The following CDH15 variants were observed in gnomAD, a reference collection of about 807,000 sequenced individuals.
CDH15 encodes cadherin-15.
In CDH15, 73 loss-of-function variants were observed where a neutral mutation model predicts 69.4. The observed-to-expected ratio is 1.05, with a 90% CI of 0.87 to 1.28. CDH15 has a LOEUF of 1.28. Ranked by LOEUF, CDH15 falls within the 50% of genes most tolerant of loss-of-function variation. The probability of loss-of-function intolerance (pLI) is 0.00; values close to 1 mark genes in which losing one functional copy is unlikely to be tolerated. For synonymous variants in CDH15, 624 were observed against 507.7 expected, an observed-to-expected ratio of 1.23 and a Z score of -3.08; for missense variants, 1,343 against 1,133.6, an observed-to-expected ratio of 1.18 and a Z score of -2.65.
At chr16:89,180,704 AG>A (rs1915356335) in intron 3 of CDH15, among the ~76,000 whole-genome samples, 1 of 152,332 alleles carries the variant, frequency 6.6e-6, no homozygotes, top group African/African-American at 2.4e-5. Context: ...AGTGTCGTGA[AG>A]AATCTCTAAA....
chr16:89,179,367 C>T (rs1226392142), intron 1 of CDH15, 49 bp from the exon 2 acceptor site: 3 of 1,609,386 alleles, frequency 1.9e-6, no homozygotes, highest in Admixed American at 1.7e-5. Flanking sequence ...ACGCTGCCGC[C>T]CAGGGCTCCA....
In CDH15 at chr16:89,190,282, G is replaced by A; in HGVS notation, c.1018G>A (p.Val340Met). The A allele has an allele frequency of 7.4e-6, 12 of 1,612,788 alleles. No homozygotes were observed. The highest frequency in any genetic ancestry group is 1.0e-5 in the Non-Finnish European group (12 of 1,179,912). Reference protein sequence around the residue: ...YESCEHYELKVSVQNEAPLQA... With the variant: ...YESCEHYELKMSVQNEAPLQA... ...GAGCTGTGAACACTACGAACTCAAA[G>A]TGTCGGTGCAGAATGAGGCCCCGCT... is the stretch of plus-strand genomic sequence containing the variant. The change falls in exon 8 of 14, where the codon GTG becomes ATG. Residue 340 changes from valine to methionine, a missense_variant. By Grantham distance (21) the Val-to-Met change is conservative. Coordinates refer to ENST00000289746, the MANE Select transcript of CDH15 (RefSeq NM_004933.3).
rs781000791 is a variant in CDH15 at position 89,191,767 on chromosome 16, C to G, written c.1488C>G (p.His496Gln). The stretch of plus-strand genomic sequence containing the variant: ...CGGGCAGCCTGTGCAGCGAGCCACA[C>G]CAAGGCCCAGGCCTCCTCCTGGGCG... ...PPPGSLCSEP[H>Q]QGPGLLLGAT... Residue 496 changes from histidine to glutamine, a missense_variant, in exon 10 of 14, where the codon CAC becomes CAG. His to Gln is a conservative substitution (Grantham distance 24). Transcript: ENST00000289746. The G allele has an allele frequency of 3.7e-6, 6 of 1,606,612 alleles. No homozygotes were observed. In the South Asian group the frequency reaches 5.5e-5, roughly 15 times the overall value.
chr16:89,181,755 T>G (rs1433167303), intron 3 of CDH15, among the ~76,000 whole-genome samples: 1 of 151,828 alleles, frequency 6.6e-6, no homozygotes, highest in African/African-American at 2.4e-5. Context: ...CTGGCTAACA[T>G]GGTGAAACCC....
At chr16:89,180,878 C>T in intron 3 of CDH15, among the ~76,000 whole-genome samples, 1 of 151,768 alleles carries the variant, frequency 6.6e-6, no homozygotes, top group Middle Eastern at 3.4e-3. Context: ...CCCCTGCCAC[C>T]ATGCCCGGCT....
At chr16:89,174,465 G>A (rs568479751) in intron 1 of CDH15, among the ~76,000 whole-genome samples, 32 of 152,350 alleles carry the variant, frequency 2.1e-4, no homozygotes, top group Non-Finnish European at 3.5e-4. Context: ...CCTCGTTCCC[G>A]TCTCGCAGTG....
intron 3 of CDH15, among the ~76,000 whole-genome samples, chr16:89,181,296 C>T (rs1268198184): frequency 2.6e-5 from 4 of 152,098 alleles, no homozygotes; most frequent in African/African-American, 4.8e-5. Context: ...CCACTGATGC[C>T]CCTTGGGGGC....
At position 89,194,941 on chromosome 16, in the gene CDH15, C is replaced by G. The variant is rs145092759; in HGVS notation, c.2231C>G (p.Ser744Trp). 202 of 1,608,558 alleles carry G rather than the reference C, an allele frequency of 1.3e-4. No individual in the cohort carries two copies. Among genetic ancestry groups the G allele is most frequent in the Non-Finnish European group, 1.6e-4 (186 of 1,178,076 alleles). Residue 744 changes from serine to tryptophan, a missense_variant, in exon 14 of 14, where the codon TCG (serine) becomes TGG (tryptophan). By Grantham distance (177) the Ser-to-Trp change is radical. Transcript: ENST00000289746. ...ALIYDYEGDGSVAGTLSSILS... is the reference protein window; with the variant it reads ...ALIYDYEGDGWVAGTLSSILS... ...ATCTATGACTACGAGGGTGACGGCT[C>G]GGTGGCGGGGACGCTGAGCTCCATC...
At chr16:89,185,007 G>GCCGC (rs571619938) in intron 4 of CDH15, among the ~76,000 whole-genome samples, 166 bp from the exon 5 acceptor site, 27 of 152,366 alleles carry the variant, frequency 1.8e-4, no homozygotes, top group African/African-American at 6.3e-4. Context: ...CCGCATGCTG[G>GCCGC]CCGCCTCGGT....
At position 89,185,339 on chromosome 16, in the gene CDH15, G is replaced by A. The variant is rs1445772925; in HGVS notation, c.663+6G>A. ...AAGTGGGGCTGGACCGCGAGGTGAG[G>A]TGGCGCCCCGGCAGCTCCACACCCG... On this transcript the variant is annotated splice_donor_region_variant and intron_variant, in intron 5 of 13. Transcript: ENST00000289746. 1.3e-6 allele frequency: 2 copies of A among 1,594,134 alleles called. No individual in the cohort carries two copies. Among genetic ancestry groups the A allele is most frequent in the Non-Finnish European group, 1.7e-6 (2 of 1,170,660 alleles).
intron 1 of CDH15, among the ~76,000 whole-genome samples, chr16:89,176,545 G>A (rs72819356): frequency 0.045 from 6,884 of 152,264 alleles, 286 homozygotes; most frequent in East Asian, 0.17. Context: ...TGCTCCCTCC[G>A]CTCGCACAAT....
At position 89,176,515 on chromosome 16, in the gene CDH15, G is replaced by A. The variant is rs575697232; in HGVS notation, c.43-2901G>A. ...GGTGAGGCCTCCCACGCAGGGTCCCGCTCACCAGGGCCGACTCGGTGCTCC... is the reference window on the plus strand; with the variant it reads ...GGTGAGGCCTCCCACGCAGGGTCCCACTCACCAGGGCCGACTCGGTGCTCC... On this transcript the variant is annotated intron_variant, in intron 1 of 13. Transcript: ENST00000289746. 5.3e-5 allele frequency among the ~76,000 whole-genome samples: 8 copies of A among 152,284 alleles called. No individual in the cohort carries two copies. In the East Asian group the frequency reaches 9.7e-4, roughly 18 times the overall value.
rs776191977 is a variant in CDH15 at position 89,179,563 on chromosome 16, C to A, written c.190C>A (p.Pro64Thr). 1.3e-6 allele frequency: 2 copies of A among 1,593,310 alleles called. No individual in the cohort carries two copies. Among genetic ancestry groups the A allele is most frequent in the Non-Finnish European group, 1.7e-6 (2 of 1,167,772 alleles). The part of the protein sequence containing the change: ...VSENHKRLPY[P>T]LVQIKSDKQQ... ...CGAGAACCACAAGCGTCTCCCCTAC[C>A]CCCTGGTTCAGGTGAGCAGGTGGAG... Residue 64 changes from proline (P) to threonine (T), a missense_variant, in exon 2 of 14, where the codon CCC (proline) becomes ACC (threonine). Transcript: ENST00000289746.
Position 89,179,504 on chromosome 16 carries a change from G to C in CDH15, c.131G>C (p.Arg44Pro). 1 of 1,613,230 alleles carries C rather than the reference G, an allele frequency of 6.2e-7. No homozygotes were observed. Among genetic ancestry groups the C allele is most frequent in the Non-Finnish European group, 8.5e-7 (1 of 1,179,778 alleles). Reference protein sequence around the residue: ...WRRAPALSRVRRAWVIPPISV... With the variant: ...WRRAPALSRVPRAWVIPPISV... ...CGGGCGCCTGCCCTGAGCCGCGTGCGGAGGGCCTGGGTCATCCCCCCGATC... is the reference window on the plus strand; with the variant it reads ...CGGGCGCCTGCCCTGAGCCGCGTGCCGAGGGCCTGGGTCATCCCCCCGATC... Residue 44 changes from arginine to proline, a missense_variant, in exon 2 of 14, where the codon CGG (arginine) becomes CCG (proline). Physicochemically the swap from Arg to Pro is moderately radical, Grantham distance 103. Coordinates refer to ENST00000289746, the MANE Select transcript of CDH15 (RefSeq NM_004933.3).
chr16:89,171,987 G>T, intron 1 of CDH15, 114 bp downstream of exon 1: 1 of 1,163,056 alleles, frequency 8.6e-7, no homozygotes, highest in East Asian at 2.6e-5. Flanking sequence ...GGTCGCCTTT[G>T]GGGGCCTGTG....
chr16:89,180,498 C>T (rs754343628), intron 3 of CDH15, 143 bp downstream of exon 3: 6 of 956,588 alleles, frequency 6.3e-6, no homozygotes, highest in Non-Finnish European at 9.7e-6. Flanking sequence ...AGTGAGGGGG[C>T]AGGTACAGGG....
chr16:89,172,483 G>T (rs1346541644), intron 1 of CDH15, among the ~76,000 whole-genome samples: 3 of 152,170 alleles, frequency 2.0e-5, no homozygotes, highest in African/African-American at 7.2e-5. Context: ...TGGGGGCTCT[G>T]TTCCTGGGCT....
Position 89,179,523 on chromosome 16 carries a change from C to G in CDH15, c.150C>G (p.Pro50=). The part of the protein sequence containing the change: ...LSRVRRAWVI[P]PISVSENHKR... ...GCGTGCGGAGGGCCTGGGTCATCCC[C>G]CCGATCAGCGTATCCGAGAACCACA... The change falls in exon 2 of 14, where the codon CCC becomes CCG. Residue 50 remains proline (P), a synonymous_variant. Transcript: ENST00000289746. 1.2e-6 allele frequency: 2 copies of G among 1,612,452 alleles called. No individual in the cohort carries two copies. Among genetic ancestry groups the G allele is most frequent in the Non-Finnish European group, 1.7e-6 (2 of 1,179,300 alleles).
At chr16:89,183,406 C>A in intron 3 of CDH15, 142 bp from the exon 4 acceptor site, 1 of 913,016 alleles carries the variant, frequency 1.1e-6, no homozygotes, top group Non-Finnish European at 1.7e-6. Context: ...AGATGCCCCA[C>A]CCTGTGCTGT....
Sources: gnomAD v4.1 joint callset for allele counts (sites outside exome capture counted in the v4.1 genomes callset) on GRCh38, gnomAD v4.1.1 for gene constraint, MANE v1.5 for transcripts, NCBI Gene and HGNC (gene_info 2026-07-23, HGNC 2026-07-21) for gene names.